Variants in ARMH1 observed in about 807,000 individuals in gnomAD.
The protein encoded by ARMH1 is armadillo-like helical domain containing protein 1.
Under a neutral mutation model 50.2 loss-of-function variants are expected in ARMH1, and 34 were observed. The observed-to-expected ratio is 0.68, with a 90% confidence interval of 0.51 to 0.90. The LOEUF (loss-of-function observed/expected upper bound fraction) is 0.90. ARMH1 is among the 40% of genes least tolerant of loss of function. The pLI, the probability that ARMH1 is intolerant of heterozygous loss-of-function variation, is 0.00. For missense variants in ARMH1, 538 were observed against 553.9 expected, an observed-to-expected ratio of 0.97 and a Z score of 0.29; for synonymous variants, 221 against 224.2, an observed-to-expected ratio of 0.99 and a Z score of 0.13.
At chr1:44,680,943 G>C (rs2148570914) in intron 1 of ARMH1, among the ~76,000 whole-genome samples, 1 of 151,618 alleles carries the variant, frequency 6.6e-6, no homozygotes, top group Middle Eastern at 3.5e-3. Context: ...CAAGGCCGTA[G>C]GAATGACTTC....
At chr1:44,688,139 C>T (rs1383225944) in intron 1 of ARMH1, 1 of 152,236 alleles carries the variant, frequency 6.6e-6, no homozygotes, top group Non-Finnish European at 1.5e-5. Flanking sequence ...ACTGCAATGG[C>T]ATTCACAGTG....
chr1:44,716,710 C>T (rs1573469218), intron 6 of ARMH1, among the ~76,000 whole-genome samples: 1 of 152,206 alleles, frequency 6.6e-6, no homozygotes, highest in Admixed American at 6.5e-5. Flanking sequence ...ATACTGCTCA[C>T]CTGCACTGGC....
intron 2 of ARMH1, among the ~76,000 whole-genome samples, chr1:44,696,489 C>T (rs540653230): frequency 9.2e-5 from 14 of 152,220 alleles, no homozygotes; most frequent in Non-Finnish European, 1.8e-4. Context: ...TGAGCTGATG[C>T]GTGCTTTGGG....
intron 3 of ARMH1, among the ~76,000 whole-genome samples, chr1:44,697,541 C>T (rs1460620059): frequency 6.6e-6 from 1 of 152,178 alleles, no homozygotes; most frequent in Non-Finnish European, 1.5e-5. Flanking sequence ...GCCTCCTTCT[C>T]TGTCTTTTCC....
At chr1:44,709,455 G>C (rs3008979) in intron 6 of ARMH1, among the ~76,000 whole-genome samples, 4 of 151,964 alleles carry the variant, frequency 2.6e-5, no homozygotes, top group Non-Finnish European at 5.9e-5. Context: ...GGCGGATCAC[G>C]AGGTCAGGAG....
intron 1 of ARMH1, among the ~76,000 whole-genome samples, chr1:44,685,918 G>A (rs1294289516): frequency 1.3e-5 from 2 of 152,118 alleles, no homozygotes; most frequent in African/African-American, 2.4e-5. Flanking sequence ...GAGCCACCGC[G>A]CCCGGCCCAG....
intron 3 of ARMH1, 47 bp from the exon 4 acceptor site, chr1:44,698,016 G>A (rs1268999627): frequency 6.8e-7 from 1 of 1,466,824 alleles, no homozygotes; most frequent in African/African-American, 1.4e-5. Flanking sequence ...TCAGTGCAAA[G>A]GAACTTGACA....
At chr1:44,698,813 C>CA (rs201693065) in intron 4 of ARMH1, among the ~76,000 whole-genome samples, 7,832 of 124,854 alleles carry the variant, frequency 0.063, 418 homozygotes, top group African/African-American at 0.15. Flanking sequence ...AACTCCATCT[C>CA]AAAAAAAAAA....
At chr1:44,709,462 G>A (rs1016210281) in intron 6 of ARMH1, among the ~76,000 whole-genome samples, 1 of 152,134 alleles carries the variant, frequency 6.6e-6, no homozygotes, top group Non-Finnish European at 1.5e-5. Flanking sequence ...CACGAGGTCA[G>A]GAGATCGAGA....
In ARMH1 at chr1:44,714,993, G is replaced by A. The variant is rs560648244; in HGVS notation, c.725-9129G>A. 7.9e-5 allele frequency among the ~76,000 whole-genome samples: 12 copies of A among 151,904 alleles called. No homozygotes were observed. The South Asian group carries it at 8.4e-4, about 11-fold the overall frequency. On this transcript the variant is annotated intron_variant, in intron 6 of 11. Coordinates refer to ENST00000535358, the MANE Select transcript of ARMH1 (RefSeq NM_001145636.2). ...ACTCTTGGGCTCAAGCGATCCTCCC[G>A]CCTCAGCCTCTTAAAGTGTTGAGAT...
At chr1:44,714,357 C>T (rs192664962) in intron 6 of ARMH1, among the ~76,000 whole-genome samples, 60 of 151,526 alleles carry the variant, frequency 4.0e-4, no homozygotes, top group East Asian at 2.3e-3. Context: ...AGGCCGAGGC[C>T]GGCAGATCAC....
intron 2 of ARMH1, among the ~76,000 whole-genome samples, chr1:44,690,837 C>A (rs915944485): frequency 6.6e-6 from 1 of 152,090 alleles, no homozygotes; most frequent in African/African-American, 2.4e-5. Flanking sequence ...TACCACCACA[C>A]CTGGCTAATT....
chr1:44,705,330 A>C (rs1166312126), intron 6 of ARMH1, among the ~76,000 whole-genome samples: 1 of 152,092 alleles, frequency 6.6e-6, no homozygotes, highest in East Asian at 1.9e-4. Context: ...GTCTCTACTA[A>C]GAATACAAAA....
At chr1:44,721,463 G>A (rs1026409023) in intron 6 of ARMH1, among the ~76,000 whole-genome samples, 3 of 151,882 alleles carry the variant, frequency 2.0e-5, no homozygotes, top group Admixed American at 6.6e-5. Context: ...AGACTCACAA[G>A]ACTTCAGCCA....
chr1:44,697,148 ATCT>A lies in ARMH1; in HGVS notation c.258_260del (p.Phe86del). ...AGAAAAGCTTCTCAGGTCCATTGGC[ATCT>A]TCTTATCAGCTGTAAGCAGGTGAGT... On this transcript the variant is annotated inframe_deletion, in exon 3 of 12. Transcript: ENST00000535358. 1 of 1,551,980 alleles carries A rather than the reference ATCT, an allele frequency of 6.4e-7. No individual in the cohort carries two copies. Among genetic ancestry groups the A allele is most frequent in the Non-Finnish European group, 8.7e-7 (1 of 1,146,864 alleles).
At chr1:44,684,308 G>A (rs1393962189) in intron 1 of ARMH1, 1 of 152,048 alleles carries the variant, frequency 6.6e-6, no homozygotes, top group Non-Finnish European at 1.5e-5. Flanking sequence ...TTAAAGAAAG[G>A]TTGAGATAAA....
chr1:44,704,880 G>T (rs1166363353), intron 6 of ARMH1, among the ~76,000 whole-genome samples: 1 of 147,496 alleles, frequency 6.8e-6, no homozygotes, highest in Non-Finnish European at 1.5e-5. Flanking sequence ...TGTCATCCAG[G>T]CTGGAGTGCA....
intron 1 of ARMH1, among the ~76,000 whole-genome samples, chr1:44,680,831 C>T (rs1645284290): frequency 6.6e-6 from 1 of 152,066 alleles, no homozygotes; most frequent in African/African-American, 2.4e-5. Flanking sequence ...TGATTCCTCC[C>T]CGTCTTTTAT....
Position 44,681,391 on chromosome 1 carries a change from G to T in ARMH1, c.-23+6518G>T, listed in dbSNP as rs767957493. On this transcript the variant is annotated intron_variant, in intron 1 of 11. Coordinates refer to ENST00000535358, the MANE Select transcript of ARMH1 (RefSeq NM_001145636.2). This position sits in a 1 kb window ranked among gnomAD's most constrained non-coding sequence, Gnocchi z 4.3. ...CTCAGGAGGCTGAGGCAGGAGGATCGCTTGAGCCCGGGAGTTCAAGACTGC... is the reference window on the plus strand; with the variant it reads ...CTCAGGAGGCTGAGGCAGGAGGATCTCTTGAGCCCGGGAGTTCAAGACTGC... Among the ~76,000 whole-genome samples, 2 of 152,080 alleles carry T rather than the reference G, an allele frequency of 1.3e-5. No individual in the cohort carries two copies. Among genetic ancestry groups the T allele is most frequent in the Non-Finnish European group, 2.9e-5 (2 of 68,002 alleles).
Sources: gnomAD v4.1 joint callset for allele counts (sites outside exome capture counted in the v4.1 genomes callset) on GRCh38, gnomAD v4.1.1 for gene constraint, Gnocchi (gnomAD v3.1) non-coding constraint, MANE v1.5 for transcripts, NCBI Gene and HGNC (gene_info 2026-07-23, HGNC 2026-07-21) for gene names.